The following SV2C variants were observed in gnomAD, a reference collection of about 807,000 sequenced individuals.
SV2C encodes solute carrier family 22 member B3.
In SV2C, 49 loss-of-function variants were observed where a neutral mutation model predicts 79.7. That is an observed-to-expected ratio of 0.61 (90% CI 0.49 to 0.78). The LOEUF (loss-of-function observed/expected upper bound fraction) is 0.78, where lower values mean the gene tolerates loss of function less well. SV2C is among the 30% of genes least tolerant of loss of function. The probability of loss-of-function intolerance (pLI) is 0.00; values close to 1 mark genes in which losing one functional copy is unlikely to be tolerated. For missense variants in SV2C, 833 were observed against 912.9 expected, an observed-to-expected ratio of 0.91 and a Z score of 1.13; for synonymous variants, 334 against 333.2, an observed-to-expected ratio of 1.00 and a Z score of -0.03.
chr5:75,989,731 C>G, the SV2C span, among the ~76,000 whole-genome samples: 2 of 151,952 alleles, frequency 1.3e-5, no homozygotes, highest in Non-Finnish European at 2.9e-5. Context: ...AATGGTGGAA[C>G]TAATTTACAC....
chr5:75,990,152 A>G, the SV2C span, among the ~76,000 whole-genome samples: 1 of 151,964 alleles, frequency 6.6e-6, no homozygotes, highest in African/African-American at 2.4e-5. Flanking sequence ...TATTTAATTT[A>G]GATCTCATTT....
At chr5:76,311,764 A>G (rs1294687398) in intron 12 of SV2C, among the ~76,000 whole-genome samples, 1 of 152,166 alleles carries the variant, frequency 6.6e-6, no homozygotes, top group Non-Finnish European at 1.5e-5. Context: ...AGGAGCCCCA[A>G]CCATCTAACA....
chr5:75,907,632 G>T, the SV2C span, among the ~76,000 whole-genome samples: 3 of 152,164 alleles, frequency 2.0e-5, no homozygotes, highest in Non-Finnish European at 4.4e-5. Flanking sequence ...ATAACTGTGG[G>T]TTTGTGCAGA....
the SV2C span, among the ~76,000 whole-genome samples, chr5:75,909,500 G>T: frequency 6.6e-6 from 1 of 152,164 alleles, no homozygotes. Context: ...TGTTGTCTGT[G>T]GGAGAAAGAG....
chr5:76,280,796 G>A (rs1315595925), intron 4 of SV2C, among the ~76,000 whole-genome samples: 1 of 152,222 alleles, frequency 6.6e-6, no homozygotes, highest in Non-Finnish European at 1.5e-5. Flanking sequence ...GCCAAGCCTA[G>A]GTCTAAGCAC....
rs891428812 is a variant in SV2C, at chr5:76,223,244, C to A, written c.913+13357C>A. On this transcript the variant is annotated intron_variant, in intron 4 of 12. Transcript: ENST00000502798. ...CTTGAGGCCAGGAGTTGGAGACCAG[C>A]CTGGGCAACATATATTCTATAAAAA... 4.0e-5 allele frequency among the ~76,000 whole-genome samples: 6 copies of A among 151,426 alleles called. No individual in the cohort carries two copies. In the East Asian group the frequency reaches 1.2e-3, roughly 29 times the overall value.
chr5:76,309,024 G>A (rs1487697080), intron 12 of SV2C, among the ~76,000 whole-genome samples: 1 of 151,796 alleles, frequency 6.6e-6, no homozygotes, highest in African/African-American at 2.4e-5. Context: ...GCATCAGAGA[G>A]GTTTTCTTGA....
the SV2C span, among the ~76,000 whole-genome samples, chr5:76,025,418 G>T: frequency 2.6e-5 from 4 of 152,144 alleles, no homozygotes; most frequent in African/African-American, 7.2e-5. Flanking sequence ...CAAACTGCTG[G>T]GCTGTTTATT....
chr5:76,294,941 A>G (rs905811435), intron 8 of SV2C, among the ~76,000 whole-genome samples: 1 of 152,174 alleles, frequency 6.6e-6, no homozygotes, highest in Non-Finnish European at 1.5e-5. Flanking sequence ...GAACCAAGAA[A>G]GATTCCCCAT....
At chr5:75,955,787 G>A in the SV2C span, among the ~76,000 whole-genome samples, 2,406 of 148,686 alleles carry the variant, frequency 0.016, 26 homozygotes, top group Non-Finnish European at 0.028. Context: ...CAAAAAACAC[G>A]TGAAAAAATG....
intron 12 of SV2C, among the ~76,000 whole-genome samples, chr5:76,340,006 G>A (rs1172850661): frequency 6.6e-6 from 1 of 152,170 alleles, no homozygotes; most frequent in Non-Finnish European, 1.5e-5. Flanking sequence ...AGTTAAAGTA[G>A]CTGGCCAAAA....
chr5:76,159,393 T>TA (rs1348205948), intron 2 of SV2C, among the ~76,000 whole-genome samples: 3 of 152,148 alleles, frequency 2.0e-5, no homozygotes, highest in Admixed American at 2.0e-4. Flanking sequence ...GGGACTCCAC[T>TA]AAAAAACCAT....
chr5:76,088,475 A>G (rs756164666), intron 1 of SV2C, among the ~76,000 whole-genome samples: 1 of 152,144 alleles, frequency 6.6e-6, no homozygotes, highest in African/African-American at 2.4e-5. Flanking sequence ...GTCAAGGCCT[A>G]TTCCTCATAG....
intron 2 of SV2C, among the ~76,000 whole-genome samples, chr5:76,179,402 C>T (rs1743648510): frequency 1.3e-5 from 2 of 152,164 alleles, no homozygotes; most frequent in Non-Finnish European, 2.9e-5. Context: ...TTTTGAGTCA[C>T]AATATAATAA....
rs1351461377 is a variant in SV2C, at chr5:76,332,126, CT to C, written c.*6580del. ...GGTGCCTTCCAGTCAGGTCTGAATG[CT>C]GAAATTGCTGAGATTGTCCACTCTC... is the stretch of plus-strand genomic sequence containing the variant. On this transcript the variant is annotated 3_prime_UTR_variant, in exon 13 of 13. Coordinates refer to ENST00000502798, the MANE Select transcript of SV2C (RefSeq NM_014979.4). 6.6e-6 allele frequency: 1 copy of C among 152,172 alleles called. No homozygotes were observed. The highest frequency in any genetic ancestry group is 1.5e-5 in the Non-Finnish European group (1 of 68,042). The allele number at this position is 152,172 out of a possible 1,614,324, so 9.4% of individuals were successfully genotyped here.
At chr5:76,269,854 C>CTCAG (rs1300287004) in intron 4 of SV2C, among the ~76,000 whole-genome samples, 2 of 152,224 alleles carry the variant, frequency 1.3e-5, no homozygotes, top group Non-Finnish European at 2.9e-5. Context: ...TAGTCCCAGA[C>CTCAG]TCAGTCACTC....
the SV2C span, among the ~76,000 whole-genome samples, chr5:76,025,771 G>A: frequency 6.6e-6 from 1 of 152,124 alleles, no homozygotes; most frequent in Non-Finnish European, 1.5e-5. Flanking sequence ...GCCCATTTCT[G>A]CTGTATCACT....
At chr5:76,152,122 A>T (rs1987298106) in intron 2 of SV2C, among the ~76,000 whole-genome samples, 1 of 152,152 alleles carries the variant, frequency 6.6e-6, no homozygotes, top group Non-Finnish European at 1.5e-5. Context: ...ACAATAGATG[A>T]GTGCTTCTGA....
chr5:76,147,158 A>G (rs1739898537), intron 2 of SV2C, among the ~76,000 whole-genome samples: 1 of 152,226 alleles, frequency 6.6e-6, no homozygotes, highest in South Asian at 2.1e-4. Flanking sequence ...AGCATTGTGA[A>G]TGTAATCAAT....
Sources: allele counts gnomAD v4.1 joint callset (sites outside exome capture counted in the v4.1 genomes callset), GRCh38; gene constraint gnomAD v4.1.1; transcripts MANE v1.5; gene names NCBI Gene and HGNC (gene_info 2026-07-23, HGNC 2026-07-21).